The following LNPEP variants were observed in gnomAD, a reference collection of about 807,000 sequenced individuals.
LNPEP encodes leucyl and cystinyl aminopeptidase.
In LNPEP, 64 loss-of-function variants were observed where a neutral mutation model predicts 120.6. The observed-to-expected ratio is 0.53, with a 90% CI of 0.43 to 0.65. LNPEP has a LOEUF of 0.65. Among genes scored for constraint, LNPEP ranks in the 30% least tolerant of loss-of-function variants. The pLI is 0.00. For synonymous variants in LNPEP, 435 were observed against 425.4 expected, an observed-to-expected ratio of 1.02 and a Z score of -0.28; for missense variants, 1,057 against 1,200.0, an observed-to-expected ratio of 0.88 and a Z score of 1.76.
In LNPEP at chr5:96,996,383, C is replaced by T; in HGVS notation, c.1408-7C>T. The T allele has an allele frequency of 2.9e-6, 4 of 1,402,748 alleles. No homozygotes were observed. The highest frequency in any genetic ancestry group is 2.5e-5 in the East Asian group (1 of 39,966). 86.9% of individuals were successfully genotyped at this position (1,402,748 alleles called of 1,614,324 possible). A position where few individuals can be genotyped will look rare whatever the true frequency, so the allele number is the denominator to read the frequency against. ...TCCTGTGGGTTAATTGTTTTCTCTC[C>T]CCCCAGTGGTTTGGCAATCTGGTAA... On this transcript the variant is annotated splice_region_variant and splice_polypyrimidine_tract_variant and intron_variant, in intron 6 of 17. Coordinates refer to ENST00000231368, the MANE Select transcript of LNPEP (RefSeq NM_005575.3).
Position 97,036,994 on chromosome 5 carries a change from A to G in LNPEP, c.*8461A>G, listed in dbSNP as rs1182512742. 2 of 152,182 alleles carry G rather than the reference A, an allele frequency of 1.3e-5. No individual in the cohort carries two copies. Among genetic ancestry groups the G allele is most frequent in the Non-Finnish European group, 2.9e-5 (2 of 68,028 alleles). The allele number at this position is 152,182 out of a possible 1,614,324, so 9.4% of individuals were successfully genotyped here. On this transcript the variant is annotated 3_prime_UTR_variant, in exon 18 of 18. Transcript: ENST00000231368. ...GCTTAGCTGAAGGAAATGCTCCAGA[A>G]ATTGGACTGTGTAAACCATCAGTAC...
intron 1 of LNPEP, among the ~76,000 whole-genome samples, chr5:96,967,047 C>T (rs1789743588): frequency 6.6e-6 from 1 of 152,042 alleles, no homozygotes; most frequent in South Asian, 2.1e-4. Context: ...GAACAATGTC[C>T]GTGGAGAACC....
rs1372209664 is a variant in LNPEP at position 97,028,587 on chromosome 5, G to A, written c.*54G>A. ...CCATTCAGAGAGCTTGTAAGCTTGG[G>A]CTCTGCCGCTTTTGCAAAAGCCAAG... On this transcript the variant is annotated 3_prime_UTR_variant, in exon 18 of 18. Coordinates refer to ENST00000231368, the MANE Select transcript of LNPEP (RefSeq NM_005575.3). 2 of 1,590,458 alleles carry A rather than the reference G, an allele frequency of 1.3e-6. No homozygotes were observed. Among genetic ancestry groups the A allele is most frequent in the African/African-American group, 2.7e-5 (2 of 73,638 alleles).
intron 1 of LNPEP, among the ~76,000 whole-genome samples, chr5:96,963,590 C>CT (rs1182505909): frequency 2.0e-5 from 3 of 152,144 alleles, no homozygotes; most frequent in African/African-American, 7.2e-5. Context: ...ATGTTGAAAG[C>CT]TACAAGGCCT....
intron 13 of LNPEP, among the ~76,000 whole-genome samples, chr5:97,019,503 A>G (rs1791140090): frequency 6.6e-6 from 1 of 152,148 alleles, no homozygotes; most frequent in Non-Finnish European, 1.5e-5. Context: ...ATAATTTGAA[A>G]TACATTTAAA....
chr5:96,940,314 AC>A (rs1789021855), intron 1 of LNPEP, among the ~76,000 whole-genome samples: 1 of 152,180 alleles, frequency 6.6e-6, no homozygotes, highest in Non-Finnish European at 1.5e-5. Flanking sequence ...AAGATAGATA[AC>A]CAGAGAGATT....
intron 11 of LNPEP, among the ~76,000 whole-genome samples, chr5:97,006,953 GC>G (rs903470139): frequency 6.6e-6 from 1 of 152,114 alleles, no homozygotes; most frequent in African/African-American, 2.4e-5. Flanking sequence ...ATTGCAATAT[GC>G]CCTGCAGACA....
chr5:96,956,373 C>T (rs1297974149), intron 1 of LNPEP, among the ~76,000 whole-genome samples: 2 of 152,144 alleles, frequency 1.3e-5, no homozygotes, highest in Non-Finnish European at 1.5e-5. Flanking sequence ...AAAAAATTAG[C>T]CACGTGTAGT....
intron 1 of LNPEP, among the ~76,000 whole-genome samples, chr5:96,945,293 C>T (rs1334173829): frequency 6.6e-6 from 1 of 151,176 alleles, no homozygotes; most frequent in Non-Finnish European, 1.5e-5. Context: ...ACCTGTGGTC[C>T]CAGCTGCTTG....
chr5:96,969,879 A>G (rs1182934693), intron 1 of LNPEP, among the ~76,000 whole-genome samples: 1 of 151,254 alleles, frequency 6.6e-6, no homozygotes, highest in Non-Finnish European at 1.5e-5. Context: ...ATTTTGATAT[A>G]TTATGTTTTT....
At chr5:96,982,912 A>T (rs1243984266) in intron 2 of LNPEP, among the ~76,000 whole-genome samples, 1 of 151,922 alleles carries the variant, frequency 6.6e-6, no homozygotes, top group African/African-American at 2.4e-5. Flanking sequence ...AGTAGTTTTT[A>T]TTATAAATAG....
At position 97,026,343 on chromosome 5, in the gene LNPEP, C is replaced by T. The variant is rs529712576; in HGVS notation, c.2724-274C>T. Among the ~76,000 whole-genome samples, 7 of 152,056 alleles carry T rather than the reference C, an allele frequency of 4.6e-5. No individual in the cohort carries two copies. The East Asian group carries it at 1.4e-3, about 29-fold the overall frequency. ...CCCACCTCCCGAATTGTAATAAATTCTACCAGAACTTATTTCCTAAATGTT... is the reference window on the plus strand; with the variant it reads ...CCCACCTCCCGAATTGTAATAAATTTTACCAGAACTTATTTCCTAAATGTT... On this transcript the variant is annotated intron_variant, in intron 15 of 17. Coordinates refer to ENST00000231368, the MANE Select transcript of LNPEP (RefSeq NM_005575.3).
chr5:96,993,343 G>A (rs915232700), intron 5 of LNPEP, among the ~76,000 whole-genome samples: 4 of 152,130 alleles, frequency 2.6e-5, no homozygotes, highest in African/African-American at 9.7e-5. Context: ...TAAGTTTATA[G>A]GGCTGCTAAA....
At chr5:97,027,849 C>T (rs370117870) in intron 17 of LNPEP, 35 bp downstream of exon 17, 32 of 1,247,676 alleles carry the variant, frequency 2.6e-5, no homozygotes, top group African/African-American at 3.0e-5. Context: ...AGAGACTGGG[C>T]AACCCTCCGC....
chr5:96,937,561 C>T (rs1053184438), intron 1 of LNPEP: 4 of 152,022 alleles, frequency 2.6e-5, no homozygotes, highest in South Asian at 2.1e-4. Context: ...TAATACAAGT[C>T]GTTAAGTCCT....
rs567489436 is a variant in LNPEP at position 96,984,252 on chromosome 5, G to A, written c.861-828G>A. On this transcript the variant is annotated intron_variant, in intron 2 of 17. Transcript: ENST00000231368. ...CAACTCAAAATTACAAAGTTTTCCA[G>A]AGCTTATATACCTTCTAAACTATAT... 1.3e-3 allele frequency among the ~76,000 whole-genome samples: 194 copies of A among 152,306 alleles called. 1 individual carries two copies. Among genetic ancestry groups the A allele is most frequent in the African/African-American group, 4.5e-3 (185 of 41,560 alleles).
intron 1 of LNPEP, chr5:96,943,026 C>T (rs556458285): frequency 5.2e-5 from 10 of 192,536 alleles, no homozygotes; most frequent in Non-Finnish European, 1.1e-4. Context: ...AGAAACATTA[C>T]AAGAAAAACT....
intron 5 of LNPEP, 24 bp from the exon 6 acceptor site, chr5:96,993,793 T>A: frequency 6.2e-7 from 1 of 1,608,264 alleles, no homozygotes; most frequent in Non-Finnish European, 8.5e-7. Context: ...GGAAAGTTGA[T>A]CACTTATTTC....
chr5:96,996,341 T>G (rs1790515272), intron 6 of LNPEP, 49 bp from the exon 7 acceptor site: 1 of 1,040,270 alleles, frequency 9.6e-7, no homozygotes, highest in Admixed American at 1.7e-5. Context: ...TTTAAAAAAT[T>G]CCTGAGGCTG....
Sources: allele counts gnomAD v4.1 joint callset (sites outside exome capture counted in the v4.1 genomes callset), GRCh38; gene constraint gnomAD v4.1.1; transcripts MANE v1.5; gene names NCBI Gene and HGNC (gene_info 2026-07-23, HGNC 2026-07-21).